The following DEPDC1B variants were observed in gnomAD, a reference collection of about 807,000 sequenced individuals.
DEPDC1B encodes the protein DEP domain-containing protein 1B.
DEPDC1B carries 51 observed loss-of-function variants against 66.5 expected under a neutral mutation model. The observed-to-expected ratio is 0.77, with a 90% CI of 0.61 to 0.97. The LOEUF (loss-of-function observed/expected upper bound fraction) is 0.97. DEPDC1B is among the 50% of genes least tolerant of loss of function. The probability of loss-of-function intolerance (pLI) is 0.00; values close to 1 mark genes in which losing one functional copy is unlikely to be tolerated. For missense variants in DEPDC1B, 552 were observed against 637.1 expected (o/e 0.87, Z 1.44); for synonymous variants, 226 against 223.6 (o/e 1.01, Z -0.10).
chr5:60,654,478 G>A (rs1294117800), intron 2 of DEPDC1B, among the ~76,000 whole-genome samples: 3 of 147,712 alleles, frequency 2.0e-5, no homozygotes, highest in Non-Finnish European at 4.4e-5. Flanking sequence ...CATTAATTTT[G>A]TATCCTGAAA....
chr5:60,663,156 A>T (rs564974724), intron 2 of DEPDC1B, among the ~76,000 whole-genome samples: 1 of 152,276 alleles, frequency 6.6e-6, no homozygotes, highest in African/African-American at 2.4e-5. Context: ...TTAAGGAAGG[A>T]ATTAATCCTG....
Position 60,687,085 on chromosome 5 carries a change from C to A in DEPDC1B, c.191G>T (p.Gly64Val). 1 of 1,614,200 alleles carries A rather than the reference C, an allele frequency of 6.2e-7. No homozygotes were observed. The highest frequency in any genetic ancestry group is 8.5e-7 in the Non-Finnish European group (1 of 1,180,048). The stretch of plus-strand genomic sequence containing the variant: ...CGTTTGTTTGCGGGTCACTTCAGGG[C>A]CGAAGTTTTGACTGCACCTCAGCAG... Reference protein sequence around the residue: ...HELLRCSQNFGPEVTRKQTVQ... With the variant: ...HELLRCSQNFVPEVTRKQTVQ... Residue 64 changes from glycine (G) to valine (V), a missense_variant, in exon 2 of 11, where the codon GGC becomes GTC. Coordinates refer to ENST00000265036, the MANE Select transcript of DEPDC1B (RefSeq NM_018369.3).
intron 2 of DEPDC1B, among the ~76,000 whole-genome samples, chr5:60,658,290 C>A (rs752700339): frequency 4.6e-5 from 7 of 152,188 alleles, no homozygotes; most frequent in Non-Finnish European, 8.8e-5. Context: ...AATTCTTTTT[C>A]TGGCAATTCA....
intron 2 of DEPDC1B, among the ~76,000 whole-genome samples, chr5:60,667,230 G>C (rs2111966273): frequency 6.6e-6 from 1 of 152,118 alleles, no homozygotes; most frequent in East Asian, 1.9e-4. Context: ...TAAAGGAAAA[G>C]ACTGATAGAT....
At chr5:60,672,067 T>C (rs913508848) in intron 2 of DEPDC1B, among the ~76,000 whole-genome samples, 1 of 152,188 alleles carries the variant, frequency 6.6e-6, no homozygotes, top group Non-Finnish European at 1.5e-5. Context: ...CTGACAGAGG[T>C]TATATGACCT....
chr5:60,648,223 C>A (rs1459051691), intron 2 of DEPDC1B: 2 of 152,206 alleles, frequency 1.3e-5, no homozygotes, highest in Non-Finnish European at 2.9e-5. Context: ...CTCTTTCCTG[C>A]CTCAAAACAG....
At chr5:60,610,075 G>C (rs1325201574) in intron 7 of DEPDC1B, among the ~76,000 whole-genome samples, 1 of 152,056 alleles carries the variant, frequency 6.6e-6, no homozygotes, top group Non-Finnish European at 1.5e-5. Flanking sequence ...GCCTCCCATG[G>C]CTAGAAAAAT....
chr5:60,677,233 A>C (rs923614002), intron 2 of DEPDC1B, among the ~76,000 whole-genome samples: 2 of 150,398 alleles, frequency 1.3e-5, no homozygotes, highest in Non-Finnish European at 3.0e-5. Flanking sequence ...GTTATGGGTT[A>C]TTTTAGGTAA....
At chr5:60,688,886 G>A (rs995917105) in intron 1 of DEPDC1B, 5 of 369,222 alleles carry the variant, frequency 1.4e-5, no homozygotes, top group Admixed American at 8.8e-5. Context: ...GTTAAGTCCA[G>A]GGAATATATA....
At chr5:60,687,358 A>T (rs941501842) in intron 1 of DEPDC1B, 131 bp from the exon 2 acceptor site, 11 of 1,163,728 alleles carry the variant, frequency 9.5e-6, no homozygotes, top group Non-Finnish European at 1.3e-5. Flanking sequence ...AGCCTTGAAA[A>T]TGTTTTATTT....
At chr5:60,613,257 G>A (rs939781573) in intron 7 of DEPDC1B, among the ~76,000 whole-genome samples, 2 of 152,280 alleles carry the variant, frequency 1.3e-5, no homozygotes, top group South Asian at 2.1e-4. Context: ...GATTTGTCAC[G>A]GAAGAGAAGC....
intron 7 of DEPDC1B, among the ~76,000 whole-genome samples, chr5:60,616,690 G>A (rs1752563560): frequency 6.6e-6 from 1 of 152,152 alleles, no homozygotes; most frequent in Non-Finnish European, 1.5e-5. Context: ...CGGGGAGAAT[G>A]GAACCAAGTT....
At chr5:60,655,565 A>G (rs1753557886) in intron 2 of DEPDC1B, among the ~76,000 whole-genome samples, 1 of 149,048 alleles carries the variant, frequency 6.7e-6, no homozygotes, top group Non-Finnish European at 1.5e-5. Context: ...TTATCTTTCC[A>G]AAGAACCAGC....
intron 1 of DEPDC1B, among the ~76,000 whole-genome samples, chr5:60,692,888 T>C (rs1754578330): frequency 1.3e-5 from 2 of 152,026 alleles, no homozygotes; most frequent in African/African-American, 4.8e-5. Flanking sequence ...AGGCCACATA[T>C]GAAAAGTAAA....
chr5:60,647,872 T>C (rs1025651319), intron 2 of DEPDC1B: 1 of 158,066 alleles, frequency 6.3e-6, no homozygotes, highest in Non-Finnish European at 1.4e-5. Context: ...TTTTGACTTT[T>C]TATTTACTTA....
intron 1 of DEPDC1B, 102 bp downstream of exon 1, chr5:60,699,944 C>G: frequency 7.1e-7 from 1 of 1,406,868 alleles, no homozygotes; most frequent in South Asian, 1.2e-5. Flanking sequence ...ACCCGAGCCC[C>G]GCTGGCCTGC....
chr5:60,664,515 C>T (rs1291664825), intron 2 of DEPDC1B, among the ~76,000 whole-genome samples: 2 of 152,224 alleles, frequency 1.3e-5, no homozygotes, highest in Non-Finnish European at 2.9e-5. Context: ...AACCCAGCCA[C>T]ATTTCTTCCA....
chr5:60,670,846 C>T (rs982179113), intron 2 of DEPDC1B, among the ~76,000 whole-genome samples: 40 of 152,104 alleles, frequency 2.6e-4, no homozygotes, highest in African/African-American at 7.2e-5. Context: ...AAGGGTAATT[C>T]GGACTCCTTG....
chr5:60,646,683 T>C (rs561454714), intron 3 of DEPDC1B, among the ~76,000 whole-genome samples: 1 of 152,310 alleles, frequency 6.6e-6, no homozygotes, highest in South Asian at 2.1e-4. Context: ...TATCAGTCCA[T>C]AGCCTATAAG....
Sources: allele counts gnomAD v4.1 joint callset (sites outside exome capture counted in the v4.1 genomes callset), GRCh38; gene constraint gnomAD v4.1.1; transcripts MANE v1.5; gene names NCBI Gene and HGNC (gene_info 2026-07-23, HGNC 2026-07-21).